Variants in LUZP2 observed in about 807,000 individuals in gnomAD.
LUZP2 encodes leucine zipper protein 2.
In LUZP2, 52 loss-of-function variants were observed where a neutral mutation model predicts 51.6. That is an observed-to-expected ratio of 1.01 (90% confidence interval 0.81 to 1.27). The LOEUF (loss-of-function observed/expected upper bound fraction) is 1.27, where lower values mean the gene tolerates loss of function less well. Among genes scored for constraint, LUZP2 ranks in the 50% most tolerant of loss-of-function variants. The pLI is 0.00. For missense variants in LUZP2, 436 were observed against 395.4 expected (o/e 1.10, Z -0.87); for synonymous variants, 154 against 137.3 (o/e 1.12, Z -0.85).
intron 7 of LUZP2, among the ~76,000 whole-genome samples, chr11:24,938,131 C>T (rs1487452653): frequency 1.3e-5 from 2 of 151,934 alleles, no homozygotes; most frequent in Non-Finnish European, 2.9e-5. Flanking sequence ...AAATAACATT[C>T]TTGAGAAAAC....
At chr11:24,573,932 G>A (rs1852522358) in intron 1 of LUZP2, among the ~76,000 whole-genome samples, 1 of 151,432 alleles carries the variant, frequency 6.6e-6, no homozygotes, top group South Asian at 2.1e-4. Context: ...ACAACATGCA[G>A]GTTTGTTACA....
chr11:24,935,955 C>A (rs1304138800), intron 7 of LUZP2, among the ~76,000 whole-genome samples: 2 of 152,098 alleles, frequency 1.3e-5, no homozygotes, highest in Non-Finnish European at 1.5e-5. Context: ...CTTTGGGCAA[C>A]ATGTTTAGAT....
At chr11:24,517,256 T>C (rs1287719317) in intron 1 of LUZP2, among the ~76,000 whole-genome samples, 4 of 151,768 alleles carry the variant, frequency 2.6e-5, no homozygotes, top group East Asian at 1.9e-4. Context: ...GAGGCCAAGG[T>C]GGGCGGATCA....
intron 5 of LUZP2, among the ~76,000 whole-genome samples, chr11:24,853,682 C>G (rs1330327179): frequency 6.6e-6 from 1 of 151,990 alleles, no homozygotes; most frequent in Non-Finnish European, 1.5e-5. Flanking sequence ...GAGTTGTGAT[C>G]CTTTGGAGGA....
chr11:24,791,718 A>G (rs549625521), intron 5 of LUZP2, among the ~76,000 whole-genome samples: 13 of 152,218 alleles, frequency 8.5e-5, no homozygotes, highest in Admixed American at 7.2e-4. Context: ...CTTACCAGTT[A>G]TTTTCTTTTA....
chr11:24,898,779 T>C (rs959762178), intron 5 of LUZP2, among the ~76,000 whole-genome samples: 5 of 152,196 alleles, frequency 3.3e-5, no homozygotes, highest in Admixed American at 3.3e-4. Context: ...TTGCTAGCGT[T>C]TTTGGGGTGA....
chr11:25,074,654 A>T (rs560537842), intron 10 of LUZP2, among the ~76,000 whole-genome samples: 11 of 152,166 alleles, frequency 7.2e-5, no homozygotes, highest in Non-Finnish European at 1.5e-4. Context: ...AAATACGTAC[A>T]TTATATCTCC....
At chr11:24,778,663 C>A (rs1014746111) in intron 5 of LUZP2, among the ~76,000 whole-genome samples, 2 of 151,672 alleles carry the variant, frequency 1.3e-5, no homozygotes, top group East Asian at 3.9e-4. Context: ...AATGAAGGAA[C>A]ATAAAAAGGA....
intron 5 of LUZP2, among the ~76,000 whole-genome samples, chr11:24,779,593 G>A (rs1053537308): frequency 3.3e-5 from 5 of 152,070 alleles, no homozygotes; most frequent in African/African-American, 7.2e-5. Context: ...AATATTACTC[G>A]TGGCATATTC....
intron 1 of LUZP2, among the ~76,000 whole-genome samples, chr11:24,675,741 A>G (rs1856521514): frequency 1.3e-5 from 2 of 151,844 alleles, no homozygotes; most frequent in South Asian, 4.1e-4. Flanking sequence ...TACTATTAAT[A>G]TGTCTGCCCT....
intron 5 of LUZP2, among the ~76,000 whole-genome samples, chr11:24,830,247 T>C (rs2631497): frequency 0.16 from 23,763 of 151,556 alleles, 2,062 homozygotes; most frequent in African/African-American, 0.22. Flanking sequence ...CTTTGGTTCA[T>C]CTTTCAGGTC....
At chr11:24,633,979 C>T (rs1248000750) in intron 1 of LUZP2, among the ~76,000 whole-genome samples, 4 of 115,712 alleles carry the variant, frequency 3.5e-5, no homozygotes, top group African/African-American at 9.6e-5. Flanking sequence ...TATAGTCTGT[C>T]TATTAAAGGA....
chr11:24,583,379 G>A (rs537675259), intron 1 of LUZP2, among the ~76,000 whole-genome samples: 45 of 152,180 alleles, frequency 3.0e-4, no homozygotes, highest in African/African-American at 1.0e-3. Context: ...ACAGGGATCT[G>A]GATTCTGAAA....
intron 1 of LUZP2, among the ~76,000 whole-genome samples, chr11:24,516,750 A>G (rs73429136): frequency 0.1 from 15,162 of 152,212 alleles, 1,124 homozygotes; most frequent in African/African-American, 0.21. Flanking sequence ...TTACAAAACA[A>G]TGTAGGTAAG....
intron 1 of LUZP2, among the ~76,000 whole-genome samples, chr11:24,690,700 T>C (rs1031900184): frequency 1.3e-5 from 2 of 152,086 alleles, no homozygotes; most frequent in African/African-American, 4.8e-5. Context: ...CAGTCAATTA[T>C]GTTACTCTCT....
intron 5 of LUZP2, among the ~76,000 whole-genome samples, chr11:24,837,060 T>C (rs1341591636): frequency 5.1e-5 from 1 of 19,592 alleles, no homozygotes; most frequent in Non-Finnish European, 6.1e-4. Flanking sequence ...TCAAGAATGG[T>C]TGGTAGAATT....
Position 24,602,094 on chromosome 11 carries a change from A to G in LUZP2, c.62+104789A>G, listed in dbSNP as rs983660678. ...TATGCGTATATATGTGTATATATGT[A>G]TATATGTGTATATGTGTATATATGT... On this transcript the variant is annotated intron_variant, in intron 1 of 11. Coordinates refer to ENST00000336930, the MANE Select transcript of LUZP2 (RefSeq NM_001009909.4). 1.2e-3 allele frequency among the ~76,000 whole-genome samples: 148 copies of G among 127,586 alleles called. 4 individuals carry two copies. The highest frequency in any genetic ancestry group is 1.4e-3 in the South Asian group (6 of 4,190). 83.7% of individuals were successfully genotyped at this position (127,586 alleles called of 152,430 possible). A position where few individuals can be genotyped will look rare whatever the true frequency, so the allele number is the denominator to read the frequency against.
chr11:24,621,261 A>T (rs1314645293), intron 1 of LUZP2, among the ~76,000 whole-genome samples: 1 of 152,254 alleles, frequency 6.6e-6, no homozygotes, highest in Non-Finnish European at 1.5e-5. Flanking sequence ...TTGTTAGAAG[A>T]CAAAAGGTTT....
intron 5 of LUZP2, among the ~76,000 whole-genome samples, chr11:24,898,009 A>G (rs1015209497): frequency 6.6e-6 from 1 of 152,204 alleles, no homozygotes; most frequent in Non-Finnish European, 1.5e-5. Context: ...ATGCATTTAT[A>G]TATAAATATG....
Sources: allele counts gnomAD v4.1 joint callset (sites outside exome capture counted in the v4.1 genomes callset), GRCh38; gene constraint gnomAD v4.1.1; transcripts MANE v1.5; gene names NCBI Gene and HGNC (gene_info 2026-07-23, HGNC 2026-07-21).